UGT2B17: variants seen among roughly 807,000 people sequenced by gnomAD.
UGT2B17 encodes the protein UDP-glucuronosyltransferase 2B17.
A neutral mutation model predicts 48.2 loss-of-function variants in UGT2B17; 21 were observed. The ratio of observed to expected loss-of-function variants is 0.44; its 90% confidence interval spans 0.31 to 0.63. The LOEUF is 0.63. UGT2B17 is among the 20% of genes least tolerant of loss of function. The pLI is 0.08. For missense variants in UGT2B17, 402 were observed against 696.1 expected, an observed-to-expected ratio of 0.58 and a Z score of 4.75; for synonymous variants, 146 against 238.4, an observed-to-expected ratio of 0.61 and a Z score of 3.57.
chr4:68,541,950 C>T (rs1425874348), intron 6 of UGT2B17, among the ~76,000 whole-genome samples: 1 of 125,342 alleles, frequency 8.0e-6, no homozygotes, highest in Non-Finnish European at 1.7e-5. Context: ...GATCAGATGG[C>T]TGTAGATGTG....
chr4:68,566,987 G>A (rs1731212277), intron 2 of UGT2B17, among the ~76,000 whole-genome samples: 1 of 115,080 alleles, frequency 8.7e-6, no homozygotes, highest in African/African-American at 3.0e-5. Flanking sequence ...TACTGTCTTG[G>A]TTCATCTTAA....
Position 68,545,018 on chromosome 4 carries a change from G to A in UGT2B17, c.1313+5659C>T, listed in dbSNP as rs2109761212. On this transcript the variant is annotated intron_variant, in intron 6 of 6. Coordinates refer to ENST00000317746, the MANE Select transcript of UGT2B17 (RefSeq NM_001077.4). ...CACCGTCAACATTAGACAGATCAAC[G>A]AGAAAAAGTTAACAAGGATATCCAA... Among the ~76,000 whole-genome samples, 2 of 125,416 alleles carry A rather than the reference G, an allele frequency of 1.6e-5. 1 individual carries two copies. Among genetic ancestry groups the A allele is most frequent in the Non-Finnish European group, 3.4e-5 (2 of 59,314 alleles). 82.3% of individuals were successfully genotyped at this position (125,416 alleles called of 152,430 possible).
At chr4:68,564,294 A>ATATATATTTTTTTTT (rs1366181355) in intron 3 of UGT2B17, among the ~76,000 whole-genome samples, 1 of 75,786 alleles carries the variant, frequency 1.3e-5, no homozygotes, top group African/African-American at 5.1e-5. Flanking sequence ...ATATATATAT[A>ATATATATTTTTTTTT]TTTTTTTTTT....
rs1730957524 is a variant in UGT2B17, at chr4:68,553,878, T to G, written c.1006-1967A>C. Among the ~76,000 whole-genome samples, 2 of 121,270 alleles carry G rather than the reference T, an allele frequency of 1.6e-5. 1 individual carries two copies. The highest frequency in any genetic ancestry group is 1.7e-4 in the Admixed American group (2 of 11,608). The allele number at this position is 121,270 out of a possible 152,430, so 79.6% of individuals were successfully genotyped here. A position where few individuals can be genotyped will look rare whatever the true frequency, so the allele number is the denominator to read the frequency against. On this transcript the variant is annotated intron_variant, in intron 4 of 6. Coordinates refer to ENST00000317746, the MANE Select transcript of UGT2B17 (RefSeq NM_001077.4). ...ACATAGGAAAATGAAAGACTGAGTT[T>G]TCTCAGCTCCAAAGTGAAAGGGCAT...
rs572703730 is a variant in UGT2B17 at position 68,558,187 on chromosome 4, T to C, written c.1005+2350A>G. Among the ~76,000 whole-genome samples, 319 of 123,198 alleles carry C rather than the reference T, an allele frequency of 2.6e-3. 61 individuals are homozygous for C. The highest frequency in any genetic ancestry group is 4.0e-3 in the Non-Finnish European group (234 of 58,092). 80.8% of individuals were successfully genotyped at this position (123,198 alleles called of 152,430 possible). On this transcript the variant is annotated intron_variant, in intron 4 of 6. Transcript: ENST00000317746. ...GTACCATGGTTTGTCTTTAGTAAAA[T>C]TGGGAAACTGAAGACAGAAAAATTA... is the stretch of plus-strand genomic sequence containing the variant.
Position 68,571,546 on chromosome 4 carries a change from G to A in UGT2B17, c.-64-2998C>T, listed in dbSNP as rs1208713371. ...TATTATAGAGCTTTTGTCTAAGACA[G>A]CTAAGCTGCCTTACAGGATGAGTGA... On this transcript the variant is annotated intron_variant, in intron 1 of 6. Transcript: ENST00000317746. Among the ~76,000 whole-genome samples, 3 of 126,804 alleles carry A rather than the reference G, an allele frequency of 2.4e-5. 1 individual carries two copies. The highest frequency in any genetic ancestry group is 5.0e-5 in the Non-Finnish European group (3 of 59,684). The allele number at this position is 126,804 out of a possible 152,430, so 83.2% of individuals were successfully genotyped here. A position where few individuals can be genotyped will look rare whatever the true frequency, so the allele number is the denominator to read the frequency against.
intron 6 of UGT2B17, among the ~76,000 whole-genome samples, chr4:68,538,230 G>C (rs1252872565): frequency 1.9e-5 from 1 of 53,494 alleles, no homozygotes; most frequent in Admixed American, 2.8e-4. Flanking sequence ...TGATCATTTT[G>C]ATATTTTTAG....
At position 68,563,595 on chromosome 4, in the gene UGT2B17, A is replaced by G. The variant is rs534315148; in HGVS notation, c.873+1977T>C. Among the ~76,000 whole-genome samples the G allele has an allele frequency of 9.5e-5, 12 of 126,790 alleles. 5 individuals are homozygous for G. In the South Asian group the frequency reaches 4.4e-3, roughly 46 times the overall value. 83.2% of individuals were successfully genotyped at this position (126,790 alleles called of 152,430 possible). ...CATGGTAGTATTAGTAATAATCACT[A>G]TTGTACTACTAGTCATTTATTCCTT... is the stretch of plus-strand genomic sequence containing the variant. On this transcript the variant is annotated intron_variant, in intron 3 of 6. Coordinates refer to ENST00000317746, the MANE Select transcript of UGT2B17 (RefSeq NM_001077.4).
chr4:68,561,279 C>G (rs1216285269), intron 3 of UGT2B17, among the ~76,000 whole-genome samples: 1 of 120,440 alleles, frequency 8.3e-6, no homozygotes, highest in African/African-American at 2.8e-5. Flanking sequence ...CCTCACTTCC[C>G]CCGACACCCC....
intron 6 of UGT2B17, among the ~76,000 whole-genome samples, chr4:68,541,615 G>T (rs1343172656): frequency 7.9e-6 from 1 of 126,062 alleles, no homozygotes; most frequent in Non-Finnish European, 1.7e-5. Flanking sequence ...TCTGATGATG[G>T]TTTATTTTGC....
rs1226792895 is a variant in UGT2B17 at position 68,556,579 on chromosome 4, G to C, written c.1005+3958C>G. Among the ~76,000 whole-genome samples, 2 of 125,816 alleles carry C rather than the reference G, an allele frequency of 1.6e-5. 1 individual carries two copies. The highest frequency in any genetic ancestry group is 1.5e-3 in the East Asian group (2 of 1,328). 82.5% of individuals were successfully genotyped at this position (125,816 alleles called of 152,430 possible). On this transcript the variant is annotated intron_variant, in intron 4 of 6. Transcript: ENST00000317746. ...TAATGTCAAAGACACACTAATGCAA[G>C]ACCAACATATGGGCCCCTGTGTCAG...
intron 1 of UGT2B17, among the ~76,000 whole-genome samples, chr4:68,568,895 G>T (rs943096607): frequency 2.2e-5 from 3 of 137,554 alleles, no homozygotes; most frequent in Admixed American, 7.3e-5. Flanking sequence ...AGTGTGTACA[G>T]TTCAATGTTT....
At position 68,546,780 on chromosome 4, in the gene UGT2B17, T is replaced by C. The variant is rs1378651310; in HGVS notation, c.1313+3897A>G. 1.4e-4 allele frequency among the ~76,000 whole-genome samples: 17 copies of C among 124,032 alleles called. 5 individuals are homozygous for C. Among genetic ancestry groups the C allele is most frequent in the Admixed American group, 4.2e-4 (5 of 11,956 alleles). The allele number at this position is 124,032 out of a possible 152,430, so 81.4% of individuals were successfully genotyped here. A position where few individuals can be genotyped will look rare whatever the true frequency, so the allele number is the denominator to read the frequency against. On this transcript the variant is annotated intron_variant, in intron 6 of 6. Coordinates refer to ENST00000317746, the MANE Select transcript of UGT2B17 (RefSeq NM_001077.4). ...AATCACAAGCATTCTTATACACCCATAACAGACAAACAGAGAGCCAAATCA... is the reference window on the plus strand; with the variant it reads ...AATCACAAGCATTCTTATACACCCACAACAGACAAACAGAGAGCCAAATCA...
intron 1 of UGT2B17, among the ~76,000 whole-genome samples, chr4:68,572,276 G>GT (rs1466026177): frequency 1.6e-5 from 2 of 125,628 alleles, no homozygotes; most frequent in Admixed American, 8.2e-5. Context: ...GAGGAGCTCT[G>GT]TTTTTTTCGG....
chr4:68,539,133 G>A (rs538586535), intron 6 of UGT2B17, among the ~76,000 whole-genome samples: 2 of 125,372 alleles, frequency 1.6e-5, no homozygotes, highest in African/African-American at 5.4e-5. Context: ...ATGTATATAC[G>A]CTATGTGACT....
intron 2 of UGT2B17, among the ~76,000 whole-genome samples, chr4:68,567,101 G>A (rs1375608809): frequency 8.0e-6 from 1 of 124,952 alleles, no homozygotes; most frequent in Non-Finnish European, 1.7e-5. Flanking sequence ...CCTTATTTTG[G>A]CCCCTATTTT....
Position 68,567,251 on chromosome 4 carries a change from G to A in UGT2B17, c.724+510C>T, listed in dbSNP as rs2109777036. Reference sequence around the variant, plus strand: ...TAAATATTAGAAATCTCAAGTTTTAGGCTTCTGTTTCTGGAGTAGAGCCAC... The same window carrying A: ...TAAATATTAGAAATCTCAAGTTTTAAGCTTCTGTTTCTGGAGTAGAGCCAC... On this transcript the variant is annotated intron_variant, in intron 2 of 6. Coordinates refer to ENST00000317746, the MANE Select transcript of UGT2B17 (RefSeq NM_001077.4). 1.6e-5 allele frequency among the ~76,000 whole-genome samples: 2 copies of A among 125,546 alleles called. 1 individual carries two copies. The highest frequency in any genetic ancestry group is 1.6e-4 in the Admixed American group (2 of 12,250). 82.4% of individuals were successfully genotyped at this position (125,546 alleles called of 152,430 possible).
rs748962990 is a variant in UGT2B17 at position 68,564,540 on chromosome 4, C to T, written c.873+1032G>A. On this transcript the variant is annotated intron_variant, in intron 3 of 6. Coordinates refer to ENST00000317746, the MANE Select transcript of UGT2B17 (RefSeq NM_001077.4). ...CTGACCTCAGGCGATCCGCCTGCCT[C>T]GGCCTCCCAAAGTGCTGGGATTACA... 7.3e-5 allele frequency among the ~76,000 whole-genome samples: 9 copies of T among 123,464 alleles called. 2 individuals carry two copies. Among genetic ancestry groups the T allele is most frequent in the Non-Finnish European group, 5.1e-5 (3 of 58,832 alleles). 81.0% of individuals were successfully genotyped at this position (123,464 alleles called of 152,430 possible). A position where few individuals can be genotyped will look rare whatever the true frequency, so the allele number is the denominator to read the frequency against.
chr4:68,570,936 T>C lies in UGT2B17; in HGVS notation c.-64-2388A>G, dbSNP rs1731288194. On this transcript the variant is annotated intron_variant, in intron 1 of 6. Coordinates refer to ENST00000317746, the MANE Select transcript of UGT2B17 (RefSeq NM_001077.4). Reference sequence around the variant, plus strand: ...TGATTATCTATGTGTAGACAGTAATTAGTAAGGTTAAATTTTTCACAAACT... The same window carrying C: ...TGATTATCTATGTGTAGACAGTAATCAGTAAGGTTAAATTTTTCACAAACT... 1.6e-5 allele frequency among the ~76,000 whole-genome samples: 2 copies of C among 125,942 alleles called. 1 individual carries two copies. Among genetic ancestry groups the C allele is most frequent in the Non-Finnish European group, 3.4e-5 (2 of 59,510 alleles). 82.6% of individuals were successfully genotyped at this position (125,942 alleles called of 152,430 possible).
Sources: gnomAD v4.1 joint callset for allele counts (sites outside exome capture counted in the v4.1 genomes callset) on GRCh38, gnomAD v4.1.1 for gene constraint, MANE v1.5 for transcripts, NCBI Gene and HGNC (gene_info 2026-07-23, HGNC 2026-07-21) for gene names.